Variants in ELOVL6 observed in about 807,000 individuals in gnomAD.
ELOVL6 encodes ELOVL fatty acid elongase 6, also known as very long chain fatty acid elongase 6.
ELOVL6 carries 8 observed loss-of-function variants against 31.7 expected under a neutral mutation model. The observed-to-expected ratio is 0.25, with a 90% CI of 0.15 to 0.45. The LOEUF (loss-of-function observed/expected upper bound fraction) is 0.45, where lower values mean the gene tolerates loss of function less well. Ranked by LOEUF, ELOVL6 falls within the 20% of genes least tolerant of loss-of-function variation. The pLI, the probability that ELOVL6 is intolerant of heterozygous loss-of-function variation, is 1.00. For missense variants in ELOVL6, 126 were observed against 326.4 expected, an observed-to-expected ratio of 0.39 and a Z score of 4.73; for synonymous variants, 101 against 117.7, an observed-to-expected ratio of 0.86 and a Z score of 0.92.
At chr4:110,159,624 C>T (rs1207775205) in intron 1 of ELOVL6, among the ~76,000 whole-genome samples, 2 of 152,076 alleles carry the variant, frequency 1.3e-5, no homozygotes, top group Admixed American at 6.5e-5. Flanking sequence ...TAAAAACTAT[C>T]GTGCATCTTG....
chr4:110,078,710 T>A (rs1270958040), intron 2 of ELOVL6, among the ~76,000 whole-genome samples: 5 of 152,284 alleles, frequency 3.3e-5, no homozygotes, highest in Admixed American at 3.3e-4. Context: ...GCTAACATCA[T>A]AATGACAAGA....
chr4:110,171,657 T>C (rs1207902202), intron 1 of ELOVL6, among the ~76,000 whole-genome samples: 1 of 148,138 alleles, frequency 6.8e-6, no homozygotes, highest in Non-Finnish European at 1.5e-5. Flanking sequence ...TATCTTTTCA[T>C]CTGTATCTTG....
At chr4:110,065,923 T>A (rs891137427) in intron 2 of ELOVL6, among the ~76,000 whole-genome samples, 2 of 152,220 alleles carry the variant, frequency 1.3e-5, no homozygotes, top group African/African-American at 4.8e-5. Flanking sequence ...AATGTAAGTT[T>A]TTTTGGAATC....
intron 3 of ELOVL6, among the ~76,000 whole-genome samples, chr4:110,059,121 A>G (rs773482742): frequency 1.3e-5 from 2 of 152,162 alleles, no homozygotes; most frequent in African/African-American, 2.4e-5. Context: ...TTAAAATCAA[A>G]CACCACCAGA....
intron 1 of ELOVL6, among the ~76,000 whole-genome samples, chr4:110,154,705 A>C (rs1758367088): frequency 6.6e-6 from 1 of 152,244 alleles, no homozygotes; most frequent in Admixed American, 6.5e-5. Context: ...CCAGCTGCTA[A>C]CTTTTCTCTT....
rs564279801 is a variant in ELOVL6 at position 110,082,529 on chromosome 4, G to T, written c.222-22775C>A. Among the ~76,000 whole-genome samples, 225 of 152,126 alleles carry T rather than the reference G, an allele frequency of 1.5e-3. 2 individuals are homozygous for T. The highest frequency in any genetic ancestry group is 6.5e-4 in the Non-Finnish European group (44 of 68,008). ...AAACACCACATGTTCTCACTCATAG[G>T]TGGGAATTGAACAATGAGAACACAT... is the stretch of plus-strand genomic sequence containing the variant. On this transcript the variant is annotated intron_variant, in intron 2 of 3. Coordinates refer to ENST00000302274, the MANE Select transcript of ELOVL6 (RefSeq NM_024090.3).
At chr4:110,070,372 CA>C (rs1399167584) in intron 2 of ELOVL6, among the ~76,000 whole-genome samples, 2 of 152,050 alleles carry the variant, frequency 1.3e-5, no homozygotes, top group Non-Finnish European at 2.9e-5. Context: ...ATGTTGAAGC[CA>C]AAAAACTCAC....
intron 2 of ELOVL6, among the ~76,000 whole-genome samples, chr4:110,081,057 G>C (rs1294520805): frequency 1.3e-5 from 2 of 152,086 alleles, no homozygotes; most frequent in African/African-American, 2.4e-5. Context: ...ACCTCTTCAA[G>C]GAGAACTACA....
chr4:110,172,433 C>G (rs1229739131), intron 1 of ELOVL6, among the ~76,000 whole-genome samples: 8 of 152,106 alleles, frequency 5.3e-5, no homozygotes, highest in African/African-American at 1.7e-4. Context: ...TATATTCCAC[C>G]TGGGAGCAAT....
Position 110,051,536 on chromosome 4 carries a change from C to A in ELOVL6, c.600G>T (p.Leu200Phe). 2 of 1,614,188 alleles carry A rather than the reference C, an allele frequency of 1.2e-6. No homozygotes were observed. The highest frequency in any genetic ancestry group is 1.7e-6 in the Non-Finnish European group (2 of 1,180,036). Residue 200 changes from leucine to phenylalanine, a missense_variant, in exon 4 of 4, where the codon TTG becomes TTT. Around this residue, in one of 3 missense-constraint regions of ELOVL6, gnomAD observed 57 missense variants for 110.2 expected, o/e 0.52. Coordinates refer to ENST00000302274, the MANE Select transcript of ELOVL6 (RefSeq NM_024090.3). The surrounding 1 kb of genome is among the most constrained non-coding windows in gnomAD (Gnocchi z 4.8). ...CCATCAGCATCTGAGTGATCTGGGA[C>A]AAGGTGATGAACATGGCAAACTTCC... ...VSRKFAMFIT[L>F]SQITQMLMGC...
chr4:110,149,151 C>T (rs1033419140), intron 1 of ELOVL6, among the ~76,000 whole-genome samples: 2 of 152,164 alleles, frequency 1.3e-5, no homozygotes, highest in African/African-American at 2.4e-5. Flanking sequence ...TGTGAGCCAC[C>T]GCACCCAGCT....
chr4:110,167,494 T>C (rs570983292), intron 1 of ELOVL6, among the ~76,000 whole-genome samples: 1 of 152,142 alleles, frequency 6.6e-6, no homozygotes, highest in East Asian at 1.9e-4. Flanking sequence ...AAGGATGTTT[T>C]TTTGGTTGCA....
chr4:110,137,099 A>C (rs68035160), intron 1 of ELOVL6, among the ~76,000 whole-genome samples: 18,683 of 152,232 alleles, frequency 0.12, 1,970 homozygotes, highest in African/African-American at 0.29. Flanking sequence ...AAATATAATA[A>C]AACTAGTTTC....
intron 1 of ELOVL6, chr4:110,147,320 T>C: frequency 6.9e-6 from 1 of 145,040 alleles, no homozygotes; most frequent in Non-Finnish European, 1.5e-5. Flanking sequence ...CCTGAAACTA[T>C]GAAAATACTA....
At chr4:110,096,203 T>A (rs1208945619) in intron 2 of ELOVL6, among the ~76,000 whole-genome samples, 1 of 152,138 alleles carries the variant, frequency 6.6e-6, no homozygotes, top group African/African-American at 2.4e-5. Context: ...TTTTTGAGAG[T>A]GAAGAAGGAG....
chr4:110,058,459 CTT>C (rs1481051179), intron 3 of ELOVL6, among the ~76,000 whole-genome samples: 2 of 152,146 alleles, frequency 1.3e-5, no homozygotes, highest in Non-Finnish European at 2.9e-5. Context: ...TTGTCATCTA[CTT>C]ATAAACAGCA....
In ELOVL6 at chr4:110,158,604, C is replaced by T. The variant is rs1160610918; in HGVS notation, c.89+39643G>A. 1.7e-4 allele frequency among the ~76,000 whole-genome samples: 22 copies of T among 130,152 alleles called. No individual in the cohort carries two copies. In the East Asian group the frequency reaches 2.5e-3, roughly 15 times the overall value. The allele number at this position is 130,152 out of a possible 152,430, so 85.4% of individuals were successfully genotyped here. A position where few individuals can be genotyped will look rare whatever the true frequency, so the allele number is the denominator to read the frequency against. On this transcript the variant is annotated intron_variant, in intron 1 of 3. Coordinates refer to ENST00000302274, the MANE Select transcript of ELOVL6 (RefSeq NM_024090.3). ...ATATATGTATATATATACACACACA[C>T]ACATATATATACACACACATATATA...
At chr4:110,126,414 T>C (rs919658411) in intron 1 of ELOVL6, among the ~76,000 whole-genome samples, 1 of 152,126 alleles carries the variant, frequency 6.6e-6, no homozygotes, top group African/African-American at 2.4e-5. Context: ...TTCCCATTAA[T>C]GACAAATCAG....
intron 1 of ELOVL6, among the ~76,000 whole-genome samples, chr4:110,151,217 ATT>A (rs1318357162): frequency 6.9e-6 from 1 of 144,890 alleles, no homozygotes; most frequent in African/African-American, 2.5e-5. Flanking sequence ...CAGATTTCAG[ATT>A]TTTTTTTTTT....
Sources: allele counts gnomAD v4.1 joint callset (sites outside exome capture counted in the v4.1 genomes callset), GRCh38; gene constraint gnomAD v4.1.1; regional missense constraint gnomAD v4.1.1; non-coding constraint Gnocchi (gnomAD v3.1); transcripts MANE v1.5; gene names NCBI Gene and HGNC (gene_info 2026-07-23, HGNC 2026-07-21).